Variants in RHAG observed in about 807,000 individuals in gnomAD.
RHAG encodes ammonium transporter Rh type A.
In RHAG, 25 loss-of-function variants were observed where a neutral mutation model predicts 42.4. That is an observed-to-expected ratio of 0.59 (90% CI 0.43 to 0.82). RHAG has a LOEUF of 0.82. Among genes scored for constraint, RHAG ranks in the 40% least tolerant of loss-of-function variants. The pLI is 0.00. For missense variants in RHAG, 483 were observed against 504.6 expected, an observed-to-expected ratio of 0.96 and a Z score of 0.41; for synonymous variants, 182 against 177.7, an observed-to-expected ratio of 1.02 and a Z score of -0.19.
At chr6:49,623,467 T>C (rs576400735) in intron 1 of RHAG, among the ~76,000 whole-genome samples, 1 of 152,302 alleles carries the variant, frequency 6.6e-6, no homozygotes, top group Non-Finnish European at 1.5e-5. Context: ...AGGAATACAG[T>C]GTCCATTTTA....
rs568939158 is a variant in RHAG, at chr6:49,607,317, C to T, written c.1068-97G>A. 1.1e-3 allele frequency: 901 copies of T among 850,276 alleles called. 3 individuals are homozygous for T. The highest frequency in any genetic ancestry group is 1.4e-3 in the Non-Finnish European group (702 of 502,984). 52.7% of individuals were successfully genotyped at this position (850,276 alleles called of 1,614,324 possible). A position where few individuals can be genotyped will look rare whatever the true frequency, so the allele number is the denominator to read the frequency against. On this transcript the variant is annotated intron_variant, in intron 7 of 9. Transcript: ENST00000371175. Reference sequence around the variant, plus strand: ...GTGTGGATGACTGCCATCTTCAGGCCAGAGTGTAACATTACACAGCAGCAA... The same window carrying T: ...GTGTGGATGACTGCCATCTTCAGGCTAGAGTGTAACATTACACAGCAGCAA...
intron 2 of RHAG, 55 bp from the exon 3 acceptor site, chr6:49,618,273 C>A: frequency 6.3e-7 from 1 of 1,599,682 alleles, no homozygotes; most frequent in Non-Finnish European, 8.6e-7. Context: ...ATAAAACTGA[C>A]CAAAGTGCAA....
chr6:49,628,693 A>G (rs964948169), intron 1 of RHAG, among the ~76,000 whole-genome samples: 1 of 151,940 alleles, frequency 6.6e-6, no homozygotes, highest in Non-Finnish European at 1.5e-5. Context: ...CGCTGGCTTC[A>G]GGAGTGAAGC....
chr6:49,611,429 C>T (rs1021862648), intron 6 of RHAG, among the ~76,000 whole-genome samples: 1 of 152,068 alleles, frequency 6.6e-6, no homozygotes, highest in African/African-American at 2.4e-5. Flanking sequence ...AGAATAAATT[C>T]TATGTACAGA....
chr6:49,617,183 C>T (rs1762670609), intron 3 of RHAG, among the ~76,000 whole-genome samples: 1 of 152,078 alleles, frequency 6.6e-6, no homozygotes, highest in Non-Finnish European at 1.5e-5. Context: ...TTGTTGTTAC[C>T]TTGGCTTAAA....
In RHAG at chr6:49,616,022, T is replaced by C. The variant is rs572011131; in HGVS notation, c.493-251A>G. Among the ~76,000 whole-genome samples the C allele has an allele frequency of 7.9e-5, 12 of 152,322 alleles. No individual in the cohort carries two copies. In the East Asian group the frequency reaches 1.9e-3, roughly 24 times the overall value. On this transcript the variant is annotated intron_variant, in intron 3 of 9. Coordinates refer to ENST00000371175, the MANE Select transcript of RHAG (RefSeq NM_000324.3). ...TTGCAATGTGACTTTAGACAAATTA[T>C]TAAACATCTCTGATCTAAGGATTCT...
rs756403635 is a variant in RHAG, at chr6:49,611,007, C to A, written c.1067+17G>T. 1.2e-6 allele frequency: 2 copies of A among 1,613,570 alleles called. No homozygotes were observed. Among genetic ancestry groups the A allele is most frequent in the Non-Finnish European group, 1.7e-6 (2 of 1,179,702 alleles). Reference sequence around the variant, plus strand: ...TCATGGGACCACAGGGGCTGAAAAACCCATTCTTTTACTCACGTGTTGGAG... The same window carrying A: ...TCATGGGACCACAGGGGCTGAAAAAACCATTCTTTTACTCACGTGTTGGAG... On this transcript the variant is annotated intron_variant, in intron 7 of 9. Coordinates refer to ENST00000371175, the MANE Select transcript of RHAG (RefSeq NM_000324.3).
intron 7 of RHAG, 52 bp from the exon 8 acceptor site, chr6:49,607,272 G>C (rs772877309): frequency 6.8e-7 from 1 of 1,474,176 alleles, no homozygotes; most frequent in Admixed American, 1.8e-5. Flanking sequence ...CTCAGCCAAA[G>C]AAAGTCTCAC....
At chr6:49,631,125 G>A (rs567406481) in intron 1 of RHAG, among the ~76,000 whole-genome samples, 2 of 152,272 alleles carry the variant, frequency 1.3e-5, no homozygotes, top group South Asian at 4.1e-4. Context: ...CACATAATTT[G>A]TTTTTCCTAT....
chr6:49,607,096 T>C, intron 8 of RHAG, 54 bp downstream of exon 8: 3 of 1,455,552 alleles, frequency 2.1e-6, no homozygotes, highest in Non-Finnish European at 2.9e-6. Flanking sequence ...AATTATCTAT[T>C]GTAAATAATC....
intron 5 of RHAG, among the ~76,000 whole-genome samples, chr6:49,612,980 T>C (rs561231447): frequency 6.6e-6 from 1 of 152,296 alleles, no homozygotes; most frequent in Admixed American, 6.5e-5. Context: ...TGTAGAGACA[T>C]TGAAATGTAC....
chr6:49,605,280 A>C lies in RHAG; in HGVS notation c.*533T>G, dbSNP rs1446108804. On this transcript the variant is annotated 3_prime_UTR_variant, in exon 10 of 10. Coordinates refer to ENST00000371175, the MANE Select transcript of RHAG (RefSeq NM_000324.3). ...AATAGTCAACATGCAAAAGGAATTA[A>C]GAATAATATTCATGCAAGGATACAA... 6.4e-6 allele frequency: 1 copy of C among 155,750 alleles called. No individual in the cohort carries two copies. 9.6% of individuals were successfully genotyped at this position (155,750 alleles called of 1,614,324 possible).
chr6:49,615,649 G>A lies in RHAG; in HGVS notation c.615C>T (p.Tyr205=), dbSNP rs140305572. The stretch of plus-strand genomic sequence containing the variant: ...CAATCATTGCAAACAAGTCTGAGTA[G>A]TATGCGGACTCTTCATTTTCATGCC... ...RKGHENEESA[Y]YSDLFAMIGT... Residue 205 remains tyrosine (Y), a synonymous_variant, in exon 4 of 10, where the codon TAC becomes TAT. Transcript: ENST00000371175. 8.7e-6 allele frequency: 14 copies of A among 1,614,138 alleles called. No individual in the cohort carries two copies. Among genetic ancestry groups the A allele is most frequent in the African/African-American group, 1.3e-5 (1 of 75,042 alleles).
At chr6:49,612,991 A>G (rs1000103640) in intron 5 of RHAG, among the ~76,000 whole-genome samples, 1 of 152,318 alleles carries the variant, frequency 6.6e-6, no homozygotes, top group Admixed American at 6.5e-5. Context: ...TGAAATGTAC[A>G]CATTACATAT....
At chr6:49,630,031 C>T (rs1031363568) in intron 1 of RHAG, among the ~76,000 whole-genome samples, 2 of 152,216 alleles carry the variant, frequency 1.3e-5, no homozygotes, top group Non-Finnish European at 2.9e-5. Flanking sequence ...TCCTCAAGTG[C>T]CGCCAAAGTG....
At chr6:49,635,898 A>G (rs957780157) in intron 1 of RHAG, among the ~76,000 whole-genome samples, 1 of 152,136 alleles carries the variant, frequency 6.6e-6, no homozygotes, top group Non-Finnish European at 1.5e-5. Context: ...CAAATAGTCT[A>G]TATAATAGTG....
intron 1 of RHAG, among the ~76,000 whole-genome samples, chr6:49,624,212 A>T (rs1305607955): frequency 3.3e-5 from 5 of 151,964 alleles, no homozygotes; most frequent in Admixed American, 6.6e-5. Flanking sequence ...TTAATTAATT[A>T]ATTTATTTTG....
At chr6:49,617,944 G>C in intron 3 of RHAG, 124 bp downstream of exon 3, 2 of 807,866 alleles carry the variant, frequency 2.5e-6, no homozygotes, top group Non-Finnish European at 4.1e-6. Context: ...GATGGTTATT[G>C]TTACTATTTG....
chr6:49,610,010 G>A (rs998945530), intron 7 of RHAG, among the ~76,000 whole-genome samples: 2 of 151,954 alleles, frequency 1.3e-5, no homozygotes, highest in African/African-American at 4.8e-5. Flanking sequence ...ATAAGTGGGA[G>A]TTGAACAGTG....
Sources: allele counts gnomAD v4.1 joint callset (sites outside exome capture counted in the v4.1 genomes callset), GRCh38; gene constraint gnomAD v4.1.1; transcripts MANE v1.5; gene names NCBI Gene and HGNC (gene_info 2026-07-23, HGNC 2026-07-21).